The following SHISA6 variants were observed in gnomAD, a reference collection of about 807,000 sequenced individuals.
The protein encoded by SHISA6 is protein shisa-6.
A neutral mutation model predicts 47.9 loss-of-function variants in SHISA6; 22 were observed. The observed-to-expected ratio is 0.46, with a 90% CI of 0.33 to 0.66. The LOEUF is 0.66. SHISA6 is among the 30% of genes least tolerant of loss of function. SHISA6 has a pLI of 0.02. For missense variants in SHISA6, 680 were observed against 764.6 expected (o/e 0.89, Z 1.30); for synonymous variants, 388 against 337.8 (o/e 1.15, Z -1.63).
intron 3 of SHISA6, among the ~76,000 whole-genome samples, chr17:11,385,989 G>C (rs1405039266): frequency 6.6e-6 from 1 of 152,080 alleles, no homozygotes; most frequent in African/African-American, 2.4e-5. Flanking sequence ...GGGGGTGGGA[G>C]GGGGGAACAT....
intron 2 of SHISA6, among the ~76,000 whole-genome samples, chr17:11,284,731 A>C (rs4792118): frequency 6.6e-6 from 1 of 152,144 alleles, no homozygotes; most frequent in East Asian, 1.9e-4. Flanking sequence ...TAATGATTCT[A>C]TTGATGCTGT....
At chr17:11,367,252 G>T (rs757010627) in intron 2 of SHISA6, among the ~76,000 whole-genome samples, 1 of 152,126 alleles carries the variant, frequency 6.6e-6, no homozygotes, top group Non-Finnish European at 1.5e-5. Flanking sequence ...ATTGATGACT[G>T]AGGAGGAGAG....
chr17:11,304,321 A>G (rs753412268), intron 2 of SHISA6, among the ~76,000 whole-genome samples: 5 of 152,116 alleles, frequency 3.3e-5, no homozygotes, highest in Non-Finnish European at 7.4e-5. Context: ...CAGAGGGAGG[A>G]TGATCACACA....
In SHISA6 at chr17:11,390,034, A is replaced by G. The variant is rs556002990; in HGVS notation, c.895+10525A>G. On this transcript the variant is annotated intron_variant, in intron 3 of 5. Coordinates refer to ENST00000441885, the MANE Select transcript of SHISA6 (RefSeq NM_207386.4). ...AGTGGGGCAGAAGACTGGTGTTCTC[A>G]GGGCATCACTGTTTGAAACATAACT... is the stretch of plus-strand genomic sequence containing the variant. Among the ~76,000 whole-genome samples the G allele has an allele frequency of 6.6e-5, 10 of 152,348 alleles. No individual in the cohort carries two copies. In the South Asian group the frequency reaches 2.1e-3, roughly 32 times the overall value.
intron 2 of SHISA6, among the ~76,000 whole-genome samples, chr17:11,342,728 C>A (rs1911578966): frequency 6.6e-6 from 1 of 152,172 alleles, no homozygotes. Context: ...TGATTCTGTG[C>A]AGAAGTGGGC....
intron 2 of SHISA6, among the ~76,000 whole-genome samples, chr17:11,264,338 A>G (rs1165501001): frequency 6.6e-6 from 1 of 152,238 alleles, no homozygotes; most frequent in Non-Finnish European, 1.5e-5. Flanking sequence ...TGTGTGAGGA[A>G]TGGAAAGGTT....
intron 3 of SHISA6, among the ~76,000 whole-genome samples, chr17:11,392,558 C>T (rs78976431): frequency 2.0e-3 from 303 of 152,264 alleles, no homozygotes; most frequent in African/African-American, 6.7e-3. Context: ...ACCTAGACCC[C>T]GCTTTGCTTT....
chr17:11,521,448 A>C (rs1449279465), intron 3 of SHISA6, among the ~76,000 whole-genome samples: 2 of 152,176 alleles, frequency 1.3e-5, no homozygotes, highest in African/African-American at 4.8e-5. Flanking sequence ...ATAAAGTTTT[A>C]GAAACTCTTC....
chr17:11,319,031 T>A (rs1229578936), intron 2 of SHISA6, among the ~76,000 whole-genome samples: 2 of 151,978 alleles, frequency 1.3e-5, no homozygotes, highest in Non-Finnish European at 2.9e-5. Flanking sequence ...TTGGTTTTTG[T>A]TTTTATTATA....
chr17:11,292,429 A>C (rs1909586159), intron 2 of SHISA6, among the ~76,000 whole-genome samples: 1 of 152,154 alleles, frequency 6.6e-6, no homozygotes, highest in Non-Finnish European at 1.5e-5. Flanking sequence ...CACATTCTGC[A>C]CATGTATCCC....
At chr17:11,352,777 A>G (rs1410091164) in intron 2 of SHISA6, among the ~76,000 whole-genome samples, 5 of 152,222 alleles carry the variant, frequency 3.3e-5, no homozygotes, top group Admixed American at 1.3e-4. Context: ...AGTGGTTCCT[A>G]CAGCTACTTT....
chr17:11,254,478 T>C (rs1351343343), intron 1 of SHISA6, among the ~76,000 whole-genome samples: 1 of 152,268 alleles, frequency 6.6e-6, no homozygotes. Flanking sequence ...CTTGTGAGGA[T>C]GCTGCTTTTA....
chr17:11,520,804 C>A (rs1161297518), intron 3 of SHISA6, among the ~76,000 whole-genome samples: 1 of 152,154 alleles, frequency 6.6e-6, no homozygotes, highest in Non-Finnish European at 1.5e-5. Context: ...CTAATAGACA[C>A]CACCTCCTGT....
intron 2 of SHISA6, among the ~76,000 whole-genome samples, chr17:11,338,976 T>C (rs946631677): frequency 6.6e-5 from 10 of 152,062 alleles, no homozygotes; most frequent in Admixed American, 3.9e-4. Flanking sequence ...ATTTACTGTA[T>C]ACATAATGTT....
At chr17:11,296,703 A>G (rs1909762487) in intron 2 of SHISA6, among the ~76,000 whole-genome samples, 1 of 152,074 alleles carries the variant, frequency 6.6e-6, no homozygotes, top group Non-Finnish European at 1.5e-5. Flanking sequence ...TAGGAACAGA[A>G]TATTGAGCTA....
At chr17:11,314,818 G>C (rs143424915) in intron 2 of SHISA6, among the ~76,000 whole-genome samples, 1 of 152,090 alleles carries the variant, frequency 6.6e-6, no homozygotes, top group African/African-American at 2.4e-5. Context: ...GAGACTACAG[G>C]GGTGAGCCAC....
chr17:11,498,944 A>G (rs1474195771), intron 3 of SHISA6, among the ~76,000 whole-genome samples: 1 of 152,176 alleles, frequency 6.6e-6, no homozygotes, highest in Non-Finnish European at 1.5e-5. Context: ...TGTTTTTGCT[A>G]CTTTATTGTC....
chr17:11,244,002 T>A (rs1031126294), intron 1 of SHISA6, among the ~76,000 whole-genome samples: 2 of 152,174 alleles, frequency 1.3e-5, no homozygotes, highest in African/African-American at 4.8e-5. Context: ...CTTTGGATGC[T>A]GGCATTGGCA....
intron 2 of SHISA6, among the ~76,000 whole-genome samples, chr17:11,266,286 A>T (rs1908421759): frequency 6.6e-6 from 1 of 152,232 alleles, no homozygotes; most frequent in South Asian, 2.1e-4. Context: ...ACCAACAGGC[A>T]TCAGAGCATA....
Sources: allele counts gnomAD v4.1 joint callset (sites outside exome capture counted in the v4.1 genomes callset), GRCh38; gene constraint gnomAD v4.1.1; transcripts MANE v1.5; gene names NCBI Gene and HGNC (gene_info 2026-07-23, HGNC 2026-07-21).